The following RSPO2 variants were observed in gnomAD, a reference collection of about 807,000 sequenced individuals.
RSPO2 encodes R-spondin-2.
RSPO2 carries 14 observed loss-of-function variants against 30.9 expected under a neutral mutation model. The ratio of observed to expected loss-of-function variants is 0.45; its 90% CI spans 0.30 to 0.71. The LOEUF (loss-of-function observed/expected upper bound fraction) is 0.71. RSPO2 is among the 30% of genes least tolerant of loss of function. The pLI is 0.08. For missense variants in RSPO2, 264 were observed against 301.9 expected, an observed-to-expected ratio of 0.87 and a Z score of 0.93; for synonymous variants, 107 against 96.4, an observed-to-expected ratio of 1.11 and a Z score of -0.64.
intron 2 of RSPO2, among the ~76,000 whole-genome samples, chr8:108,076,758 A>G (rs931504993): frequency 6.6e-6 from 1 of 152,186 alleles, no homozygotes; most frequent in African/African-American, 2.4e-5. Flanking sequence ...TGAAGCTGAA[A>G]GAAAAAAAAA....
At chr8:108,080,580 T>C (rs1320638433) in intron 2 of RSPO2, among the ~76,000 whole-genome samples, 1 of 152,182 alleles carries the variant, frequency 6.6e-6, no homozygotes, top group Non-Finnish European at 1.5e-5. Context: ...TTCTTAGAGA[T>C]GGCACTGCAG....
intron 5 of RSPO2, among the ~76,000 whole-genome samples, chr8:107,907,777 A>G (rs2130259652): frequency 6.6e-6 from 1 of 152,256 alleles, no homozygotes; most frequent in South Asian, 2.1e-4. Context: ...GCCAGTTTAA[A>G]TGGGAAGCCT....
chr8:107,936,336 T>TCATG (rs1812722727), intron 5 of RSPO2, among the ~76,000 whole-genome samples: 1 of 152,230 alleles, frequency 6.6e-6, no homozygotes, highest in South Asian at 2.1e-4. Flanking sequence ...CTTTATCCTT[T>TCATG]CATCCATCCA....
chr8:107,967,217 A>G (rs1813835247), intron 3 of RSPO2, among the ~76,000 whole-genome samples: 1 of 152,178 alleles, frequency 6.6e-6, no homozygotes, highest in African/African-American at 2.4e-5. Flanking sequence ...TCAAAATTAG[A>G]CTTTCAGCAA....
intron 3 of RSPO2, among the ~76,000 whole-genome samples, chr8:107,969,487 T>C (rs1336130612): frequency 6.6e-6 from 1 of 152,100 alleles, no homozygotes; most frequent in East Asian, 1.9e-4. Flanking sequence ...CCCACCCACA[T>C]AGAAAAAATA....
intron 5 of RSPO2, among the ~76,000 whole-genome samples, chr8:107,951,280 T>C (rs1180877188): frequency 6.6e-6 from 1 of 152,056 alleles, no homozygotes; most frequent in Non-Finnish European, 1.5e-5. Context: ...TCTCAAACTT[T>C]TGACCTCAGG....
chr8:107,952,654 A>G (rs148847645), intron 5 of RSPO2, among the ~76,000 whole-genome samples: 10 of 152,320 alleles, frequency 6.6e-5, no homozygotes, highest in East Asian at 3.9e-4. Flanking sequence ...TGTCCATCGC[A>G]TATTTTCTTG....
intron 2 of RSPO2, among the ~76,000 whole-genome samples, chr8:108,006,539 A>G (rs952340912): frequency 6.6e-6 from 1 of 152,090 alleles, no homozygotes; most frequent in African/African-American, 2.4e-5. Flanking sequence ...ATTAAAATAT[A>G]AGACAGACAA....
rs1316832332 is a variant in RSPO2 at position 108,048,197 on chromosome 8, T to TC, written c.94+34347dup. On this transcript the variant is annotated intron_variant, in intron 2 of 5. Transcript: ENST00000276659. ...CACACAGCTGTGACCTAGGATGCTATCCAATAAGCACCTTGCCTCTCATTA... is the reference window on the plus strand; with the variant it reads ...CACACAGCTGTGACCTAGGATGCTATCCCAATAAGCACCTTGCCTCTCATTA... Among the ~76,000 whole-genome samples, 4 of 151,894 alleles carry TC rather than the reference T, an allele frequency of 2.6e-5. No individual in the cohort carries two copies. In the East Asian group the frequency reaches 7.7e-4, roughly 29 times the overall value.
At chr8:107,973,529 C>G (rs200356078) in intron 3 of RSPO2, among the ~76,000 whole-genome samples, 4 of 26,630 alleles carry the variant, frequency 1.5e-4, no homozygotes, top group African/African-American at 5.1e-4. Flanking sequence ...CACAGACACA[C>G]ACTCACACAC....
At chr8:108,068,449 T>A (rs558972950) in intron 2 of RSPO2, among the ~76,000 whole-genome samples, 2 of 152,322 alleles carry the variant, frequency 1.3e-5, no homozygotes, top group South Asian at 4.1e-4. Context: ...GTTATACTAA[T>A]AATATTATGG....
At chr8:108,016,066 G>A (rs545231814) in intron 2 of RSPO2, among the ~76,000 whole-genome samples, 2 of 152,300 alleles carry the variant, frequency 1.3e-5, no homozygotes, top group Admixed American at 6.5e-5. Context: ...AAATGCTAGA[G>A]GAGTGCACGT....
At chr8:108,077,609 T>TAA (rs1457663044) in intron 2 of RSPO2, among the ~76,000 whole-genome samples, 1 of 149,776 alleles carries the variant, frequency 6.7e-6, no homozygotes, top group East Asian at 2.0e-4. Context: ...AATTATACTA[T>TAA]ACTCATCGCT....
intron 5 of RSPO2, among the ~76,000 whole-genome samples, chr8:107,914,885 A>G (rs1811933083): frequency 6.6e-6 from 1 of 152,174 alleles, no homozygotes; most frequent in Non-Finnish European, 1.5e-5. Context: ...CAGTAATACA[A>G]TGCCCAGGGC....
At chr8:108,016,771 T>C (rs1810903038) in intron 2 of RSPO2, among the ~76,000 whole-genome samples, 1 of 152,098 alleles carries the variant, frequency 6.6e-6, no homozygotes, top group Admixed American at 6.5e-5. Context: ...TAAGTTCTCA[T>C]AAGATGTGGT....
At chr8:107,919,418 A>C (rs1457099431) in intron 5 of RSPO2, among the ~76,000 whole-genome samples, 2 of 152,182 alleles carry the variant, frequency 1.3e-5, no homozygotes, top group Non-Finnish European at 2.9e-5. Flanking sequence ...CCCTTTCACA[A>C]AACAAACCTC....
At chr8:108,000,135 G>A (rs767039571) in intron 2 of RSPO2, among the ~76,000 whole-genome samples, 27 of 152,174 alleles carry the variant, frequency 1.8e-4, no homozygotes, top group Non-Finnish European at 4.0e-4. Flanking sequence ...CAAAATAAAT[G>A]TGGAGTCTTA....
intron 5 of RSPO2, among the ~76,000 whole-genome samples, chr8:107,901,510 T>C (rs569097118): frequency 2.1e-3 from 318 of 152,310 alleles, no homozygotes; most frequent in African/African-American, 7.4e-3. Flanking sequence ...CTAACAATGC[T>C]ACCCTTTTCT....
At chr8:108,082,274 G>C (rs1050232018) in intron 2 of RSPO2, among the ~76,000 whole-genome samples, 3 of 152,206 alleles carry the variant, frequency 2.0e-5, no homozygotes, top group South Asian at 4.1e-4. Flanking sequence ...ACATGAGTGC[G>C]GACCGCACGA....
Sources: allele counts gnomAD v4.1 joint callset (sites outside exome capture counted in the v4.1 genomes callset), GRCh38; gene constraint gnomAD v4.1.1; transcripts MANE v1.5; gene names NCBI Gene and HGNC (gene_info 2026-07-23, HGNC 2026-07-21).